The following PLEKHA5 variants were observed in gnomAD, a reference collection of about 807,000 sequenced individuals.
PLEKHA5 encodes the protein pleckstrin homology domain-containing family A member 5.
In PLEKHA5, 55 loss-of-function variants were observed where a neutral mutation model predicts 181.9. The ratio of observed to expected loss-of-function variants is 0.30; its 90% CI spans 0.24 to 0.38. PLEKHA5 has a LOEUF of 0.38. Among genes scored for constraint, PLEKHA5 ranks in the 10% least tolerant of loss-of-function variants. The pLI is 1.00. For synonymous variants in PLEKHA5, 535 were observed against 529.4 expected, an observed-to-expected ratio of 1.01 and a Z score of -0.15; for missense variants, 1,432 against 1,549.5, an observed-to-expected ratio of 0.92 and a Z score of 1.27.
intron 3 of PLEKHA5, chr12:19,149,838 C>T (rs2039951739): frequency 6.6e-6 from 1 of 152,178 alleles, no homozygotes; most frequent in African/African-American, 2.4e-5. Context: ...CTCTTGAGGC[C>T]TAGATTCAGA....
intron 27 of PLEKHA5, 96 bp from the exon 28 acceptor site, chr12:19,359,316 C>T: frequency 6.6e-6 from 7 of 1,057,412 alleles, no homozygotes; most frequent in South Asian, 4.1e-5. Flanking sequence ...AGTGGAGATC[C>T]AGCTTTGTTC....
chr12:19,160,406 G>T (rs769168172), intron 3 of PLEKHA5, among the ~76,000 whole-genome samples: 3 of 151,718 alleles, frequency 2.0e-5, no homozygotes, highest in Non-Finnish European at 2.9e-5. Flanking sequence ...CAACCAAATG[G>T]GACATAACAA....
chr12:19,337,974 G>A (rs866941125), intron 21 of PLEKHA5, among the ~76,000 whole-genome samples: 2 of 150,932 alleles, frequency 1.3e-5, no homozygotes, highest in African/African-American at 2.4e-5. Context: ...GAGGTTGCAG[G>A]GAGCCAAGAC....
At chr12:19,350,405 G>T (rs1363473945) in intron 25 of PLEKHA5, among the ~76,000 whole-genome samples, 2 of 152,176 alleles carry the variant, frequency 1.3e-5, no homozygotes, top group African/African-American at 4.8e-5. Context: ...AGAAAAATAA[G>T]TGCTTATCAT....
intron 3 of PLEKHA5, among the ~76,000 whole-genome samples, chr12:19,171,520 G>A (rs572793995): frequency 2.0e-5 from 3 of 152,184 alleles, no homozygotes; most frequent in South Asian, 4.2e-4. Context: ...CCAGGCTGGG[G>A]TGCAGTGGCG....
At chr12:19,311,307 A>T (rs1296875935) in intron 15 of PLEKHA5, among the ~76,000 whole-genome samples, 2 of 151,740 alleles carry the variant, frequency 1.3e-5, no homozygotes, top group African/African-American at 4.8e-5. Flanking sequence ...TTAAAAATGT[A>T]CTTGCCTATA....
chr12:19,195,827 A>G (rs2052585848), intron 3 of PLEKHA5, among the ~76,000 whole-genome samples: 2 of 152,132 alleles, frequency 1.3e-5, no homozygotes, highest in African/African-American at 4.8e-5. Flanking sequence ...GATATCTTCC[A>G]TGGCAGTGCA....
In PLEKHA5 at chr12:19,283,510, G is replaced by A. The variant is rs748747352; in HGVS notation, c.1544G>A (p.Arg515His). The stretch of plus-strand genomic sequence containing the variant: ...TGGCAGCTCTACGAATGGCAGCAGC[G>A]TCAGTTTTATAACAAACAGAGCACC... ...TMWQLYEWQQ[R>H]QFYNKQSTLP... The change falls in exon 12 of 32, where the codon CGT becomes CAT. Residue 515 changes from arginine to histidine, a missense_variant. Physicochemically the swap from Arg to His is conservative, Grantham distance 29 (BLOSUM62 0). Around this residue, in one of 2 missense-constraint regions of PLEKHA5, gnomAD observed 1,143 missense variants for 1,168.4 expected, o/e 0.98. Coordinates refer to ENST00000429027, the MANE Select transcript of PLEKHA5 (RefSeq NM_001256470.2). 7 of 1,614,082 alleles carry A rather than the reference G, an allele frequency of 4.3e-6. No homozygotes were observed. The South Asian group carries it at 4.4e-5, about 10-fold the overall frequency.
intron 27 of PLEKHA5, 105 bp downstream of exon 27, chr12:19,358,542 T>C (rs2095067076): frequency 3.0e-6 from 2 of 660,698 alleles, no homozygotes; most frequent in African/African-American, 3.7e-5. Context: ...GCAGTATGGA[T>C]ACTTATTTTA....
intron 16 of PLEKHA5, among the ~76,000 whole-genome samples, chr12:19,315,304 A>C (rs747945583): frequency 2.6e-5 from 4 of 152,112 alleles, no homozygotes; most frequent in Non-Finnish European, 5.9e-5. Context: ...CCCCCAACCT[A>C]GTGTTTTAAG....
intron 21 of PLEKHA5, among the ~76,000 whole-genome samples, chr12:19,338,084 CT>C (rs901347149): frequency 6.6e-6 from 1 of 151,988 alleles, no homozygotes; most frequent in Admixed American, 6.6e-5. Flanking sequence ...CAGCTGCCCT[CT>C]ATCTGTGCTG....
intron 15 of PLEKHA5, among the ~76,000 whole-genome samples, chr12:19,307,925 T>C (rs2084689813): frequency 7.0e-6 from 1 of 143,000 alleles, no homozygotes; most frequent in African/African-American, 2.6e-5. Context: ...CTGGGAAACA[T>C]AAAAAGAAGA....
intron 3 of PLEKHA5, among the ~76,000 whole-genome samples, chr12:19,199,523 T>C (rs944101300): frequency 2.6e-5 from 4 of 152,122 alleles, no homozygotes; most frequent in Admixed American, 6.6e-5. Flanking sequence ...TTCTCCCCAG[T>C]GGTTGGTTAA....
chr12:19,291,678 C>T lies in PLEKHA5; in HGVS notation c.2018C>T (p.Thr673Ile). Residue 673 changes from threonine to isoleucine, a missense_variant, in exon 15 of 32, where the codon ACC becomes ATC. Transcript: ENST00000429027. ...EILSHHLQRN[T>I]IYLDHQMKEN... ...CTTTCACATCATCTCCAAAGGAACA[C>T]CATATATTTGGATCATCAGGTGGGA... is the stretch of plus-strand genomic sequence containing the variant. The T allele has an allele frequency of 6.6e-7, 1 of 1,514,038 alleles. No homozygotes were observed. The highest frequency in any genetic ancestry group is 8.9e-7 in the Non-Finnish European group (1 of 1,128,360). 93.8% of individuals were successfully genotyped at this position (1,514,038 alleles called of 1,614,324 possible).
At chr12:19,278,773 G>A (rs2075296415) in intron 11 of PLEKHA5, among the ~76,000 whole-genome samples, 1 of 152,056 alleles carries the variant, frequency 6.6e-6, no homozygotes, top group African/African-American at 2.4e-5. Context: ...TCTTTATACT[G>A]GTTATATAAG....
At chr12:19,288,121 TG>T in intron 13 of PLEKHA5, 1 of 305,990 alleles carries the variant, frequency 3.3e-6, no homozygotes, top group South Asian at 3.1e-5. Flanking sequence ...ATGAACTAGG[TG>T]GGTTTCTTTA....
intron 15 of PLEKHA5, among the ~76,000 whole-genome samples, chr12:19,309,473 A>T (rs2085549088): frequency 6.6e-6 from 1 of 152,016 alleles, no homozygotes; most frequent in African/African-American, 2.4e-5. Context: ...AAATAAGACA[A>T]ATCTGGGTGT....
At chr12:19,195,672 CAAAAAAA>C (rs3056386) in intron 3 of PLEKHA5, among the ~76,000 whole-genome samples, 24 of 81,594 alleles carry the variant, frequency 2.9e-4, no homozygotes, top group South Asian at 3.9e-4. Flanking sequence ...GACCCTGTCT[CAAAAAAA>C]AAAAAAAAAA....
chr12:19,144,722 A>G (rs558739089), intron 3 of PLEKHA5, among the ~76,000 whole-genome samples: 2 of 152,324 alleles, frequency 1.3e-5, no homozygotes, highest in East Asian at 1.9e-4. Flanking sequence ...GGGAAAGCAT[A>G]TTGTGATAAG....
Sources: allele counts gnomAD v4.1 joint callset (sites outside exome capture counted in the v4.1 genomes callset), GRCh38; gene constraint gnomAD v4.1.1; regional missense constraint gnomAD v4.1.1; transcripts MANE v1.5; gene names NCBI Gene and HGNC (gene_info 2026-07-23, HGNC 2026-07-21).